Variants in GATAD1 observed in about 807,000 individuals in gnomAD.
The protein encoded by GATAD1 is GATA zinc finger domain-containing protein 1.
GATAD1 carries 12 observed loss-of-function variants against 26.5 expected under a neutral mutation model. The observed-to-expected ratio is 0.45, with a 90% confidence interval of 0.29 to 0.73. The LOEUF (loss-of-function observed/expected upper bound fraction) is 0.73. GATAD1 is among the 30% of genes least tolerant of loss of function. GATAD1 has a pLI of 0.10. For synonymous variants in GATAD1, 129 were observed against 133.1 expected (o/e 0.97, Z 0.21); for missense variants, 266 against 342.1 (o/e 0.78, Z 1.75).
chr7:92,489,370 A>C, the GATAD1 span: 3 of 1,606,078 alleles, frequency 1.9e-6, no homozygotes, highest in Non-Finnish European at 2.6e-6. Flanking sequence ...AATGTGACTG[A>C]CTAATAGCCA....
At chr7:92,492,951 G>T in the GATAD1 span, 2 of 1,609,792 alleles carry the variant, frequency 1.2e-6, no homozygotes, top group South Asian at 1.1e-5. Flanking sequence ...CATATAACTT[G>T]CCTGGAGTCC....
intron 4 of GATAD1, 100 bp downstream of exon 4, chr7:92,454,785 A>G (rs1258412864): frequency 2.6e-6 from 2 of 772,950 alleles, no homozygotes; most frequent in Non-Finnish European, 4.1e-6. Context: ...AGGACAAAAT[A>G]TCACAGACTG....
the GATAD1 span, among the ~76,000 whole-genome samples, chr7:92,491,058 G>C: frequency 6.6e-6 from 1 of 152,136 alleles, no homozygotes; most frequent in African/African-American, 2.4e-5. Flanking sequence ...ACAACCACGC[G>C]CTACTTTGGT....
At chr7:92,455,835 G>A (rs1394949677) in intron 4 of GATAD1, among the ~76,000 whole-genome samples, 1 of 152,196 alleles carries the variant, frequency 6.6e-6, no homozygotes, top group Non-Finnish European at 1.5e-5. Flanking sequence ...AGCAGAGGCA[G>A]TGATGTATCA....
At chr7:92,485,047 A>G in the GATAD1 span, among the ~76,000 whole-genome samples, 1 of 152,124 alleles carries the variant, frequency 6.6e-6, no homozygotes, top group African/African-American at 2.4e-5. Context: ...GGCGGGGGTC[A>G]CAAGGTGCTC....
downstream of GATAD1, among the ~76,000 whole-genome samples, chr7:92,460,776 CAAAAA>C (rs557542327): frequency 3.0e-4 from 19 of 63,362 alleles, no homozygotes; most frequent in East Asian, 7.9e-4. Context: ...GACCTTCTCT[CAAAAA>C]AAAAAAAAAA....
chr7:92,493,054 C>A, the GATAD1 span: 70 of 1,611,908 alleles, frequency 4.3e-5, no homozygotes, highest in African/African-American at 9.1e-4. Context: ...GTTACTGATG[C>A]TACATGCTGA....
At chr7:92,472,524 T>G in the GATAD1 span, 1 of 152,220 alleles carries the variant, frequency 6.6e-6, no homozygotes. Flanking sequence ...TGAAGAAAAG[T>G]CTTGCCCTGT....
intron 2 of GATAD1, chr7:92,449,530 T>G (rs1789328032): frequency 2.1e-6 from 2 of 975,392 alleles, no homozygotes; most frequent in African/African-American, 3.5e-5. Flanking sequence ...ATGGACTATT[T>G]TTTTAAGTCT....
chr7:92,450,280 C>T (rs1372324391), intron 2 of GATAD1: 1 of 159,714 alleles, frequency 6.3e-6, no homozygotes, highest in African/African-American at 2.4e-5. Context: ...AGTATTATGG[C>T]TAGTTCCATA....
At chr7:92,461,558 G>A (rs565003199), downstream of GATAD1, 3 of 152,226 alleles carry the variant, frequency 2.0e-5, no homozygotes, top group East Asian at 5.8e-4. Context: ...AGAATTATTT[G>A]GCCATCTTTT....
At chr7:92,489,272 A>C in the GATAD1 span, 1 of 1,608,460 alleles carries the variant, frequency 6.2e-7, no homozygotes, top group Non-Finnish European at 8.5e-7. Flanking sequence ...CTGTACTTCC[A>C]AAACAGAATC....
downstream of GATAD1, among the ~76,000 whole-genome samples, chr7:92,464,155 G>A (rs1035972879): frequency 3.9e-5 from 6 of 152,030 alleles, no homozygotes; most frequent in South Asian, 2.1e-4. Flanking sequence ...AAAAAAATAC[G>A]TGGGCAAAGA....
At chr7:92,450,529 AT>A in intron 2 of GATAD1, 171 bp from the exon 3 acceptor site, 1 of 554,834 alleles carries the variant, frequency 1.8e-6, no homozygotes, top group Non-Finnish European at 3.2e-6. Flanking sequence ...TGCAGTGGAA[AT>A]AGACTGCTTT....
the GATAD1 span, among the ~76,000 whole-genome samples, chr7:92,479,897 G>A: frequency 6.6e-6 from 1 of 152,118 alleles, no homozygotes; most frequent in Admixed American, 6.5e-5. Flanking sequence ...AATAAGAGAA[G>A]GAGAAAAACA....
the GATAD1 span, chr7:92,494,498 TCTA>T: frequency 6.2e-7 from 1 of 1,613,784 alleles, no homozygotes; most frequent in Non-Finnish European, 8.5e-7. Flanking sequence ...CTGTAAGCCT[TCTA>T]CTCCATCCAA....
the GATAD1 span, chr7:92,494,349 C>G: frequency 1.2e-6 from 2 of 1,613,956 alleles, no homozygotes; most frequent in Admixed American, 1.7e-5. Flanking sequence ...CTAAGCAGGG[C>G]AGGGTCAATC....
chr7:92,450,735 T>G lies in GATAD1; in HGVS notation c.410T>G (p.Ile137Ser). 2 of 1,609,560 alleles carry G rather than the reference T, an allele frequency of 1.2e-6. No individual in the cohort carries two copies. Among genetic ancestry groups the G allele is most frequent in the Non-Finnish European group, 1.7e-6 (2 of 1,175,890 alleles). Residue 137 changes from isoleucine to serine, a missense_variant, in exon 3 of 5, where the codon ATC (isoleucine) becomes AGC (serine). Physicochemically the swap from Ile to Ser is moderately radical, Grantham distance 142. Transcript: ENST00000287957. ...GCTCCTGAGTCAGTTTCCACTATAA[T>G]CACTGCAGAATCAATCTTCTACAAG... is the stretch of plus-strand genomic sequence containing the variant. ...IKAPESVSTIITAESIFYKGV... is the reference protein window; with the variant it reads ...IKAPESVSTISTAESIFYKGV...
chr7:92,487,216 A>G, the GATAD1 span: 2 of 279,528 alleles, frequency 7.2e-6, no homozygotes, highest in South Asian at 2.3e-4. Context: ...ATTTCATTAA[A>G]GACTGAATTT....
Sources: allele counts gnomAD v4.1 joint callset (sites outside exome capture counted in the v4.1 genomes callset), GRCh38; gene constraint gnomAD v4.1.1; transcripts MANE v1.5; gene names NCBI Gene and HGNC (gene_info 2026-07-23, HGNC 2026-07-21).